MAP7D3: variants seen among roughly 807,000 people sequenced by gnomAD.
MAP7D3 encodes the protein MAP7 domain containing 3.
MAP7D3 carries 45 observed loss-of-function variants against 62.2 expected under a neutral mutation model. The observed-to-expected ratio is 0.72, with a 90% CI of 0.57 to 0.93. The LOEUF is 0.93. MAP7D3 is among the 40% of genes least tolerant of loss of function. The probability of loss-of-function intolerance (pLI) is 0.00; values close to 1 mark genes in which losing one functional copy is unlikely to be tolerated. For synonymous variants in MAP7D3, 288 were observed against 248.8 expected (o/e 1.16, Z -1.48); for missense variants, 711 against 683.1 (o/e 1.04, Z -0.45).
upstream of MAP7D3, among the ~76,000 whole-genome samples, chrX:136,253,809 G>A (rs939344438): frequency 9.0e-6 from 1 of 110,926 alleles, no homozygotes; most frequent in Non-Finnish European, 1.9e-5. Context: ...CCAACATGGC[G>A]AAACACCATC....
At chrX:136,228,597 T>C in intron 11 of MAP7D3, 26 bp downstream of exon 11, 2 of 1,189,444 alleles carry the variant, frequency 1.7e-6, no homozygotes, top group African/African-American at 1.8e-5. Context: ...AGATTTATAG[T>C]ATAGGAAGGA....
intron 6 of MAP7D3, among the ~76,000 whole-genome samples, chrX:136,238,195 T>A (rs971559467): frequency 1.8e-5 from 2 of 111,709 alleles, no homozygotes; most frequent in Non-Finnish European, 3.8e-5. Context: ...TACGTGTGCA[T>A]GTGTCTTTAT....
intron 14 of MAP7D3, among the ~76,000 whole-genome samples, chrX:136,223,034 G>T (rs942714093): frequency 9.0e-6 from 1 of 110,672 alleles, no homozygotes; most frequent in Admixed American, 9.6e-5. Flanking sequence ...TAGAGACAAG[G>T]TCTCACTGTG....
intron 6 of MAP7D3, among the ~76,000 whole-genome samples, chrX:136,238,267 T>C (rs1028250334): frequency 9.9e-5 from 11 of 111,627 alleles, no homozygotes; most frequent in Non-Finnish European, 2.1e-4. Context: ...GGTCAAATGG[T>C]GTTTCTAGTT....
At chrX:136,229,710 CT>C (rs5903912) in intron 10 of MAP7D3, among the ~76,000 whole-genome samples, 1 of 102,561 alleles carries the variant, frequency 9.8e-6, no homozygotes, top group Non-Finnish European at 2.0e-5. Context: ...CCGACCTGTG[CT>C]TTTTTTTGAT....
In MAP7D3 at chrX:136,231,577, T is replaced by C. The variant is rs745646160; in HGVS notation, c.1380A>G (p.Ala460=). 2 of 1,208,413 alleles carry C rather than the reference T, an allele frequency of 1.7e-6. No homozygotes were observed. Among genetic ancestry groups the C allele is most frequent in the Non-Finnish European group, 2.2e-6 (2 of 894,249 alleles). The stretch of plus-strand genomic sequence containing the variant: ...CGTCTCTCGCTTTTGCCTTGGGAGA[T>C]GCTTCCATGCTTGCTTCAAGGGATG... The part of the protein sequence containing the change: ...PKTSLEASME[A]SPKAKARDAP... The change falls in exon 8 of 19, where the codon GCA becomes GCG. Residue 460 remains alanine, a synonymous_variant. Transcript: ENST00000316077.
chrX:136,220,277 G>A (rs2074110207), intron 16 of MAP7D3, among the ~76,000 whole-genome samples: 1 of 110,235 alleles, frequency 9.1e-6, no homozygotes, highest in Non-Finnish European at 1.9e-5. Context: ...TGGCCAACAT[G>A]GTGAAACCTC....
At chrX:136,248,967 C>T (rs943681040) in intron 1 of MAP7D3, among the ~76,000 whole-genome samples, 1 of 112,186 alleles carries the variant, frequency 8.9e-6, no homozygotes, top group South Asian at 3.6e-4. Context: ...AAAAATCAGG[C>T]AGATTCACAG....
chrX:136,247,055 A>T (rs1020499606), intron 1 of MAP7D3, among the ~76,000 whole-genome samples: 3 of 112,601 alleles, frequency 2.7e-5, no homozygotes, highest in Non-Finnish European at 5.6e-5. Flanking sequence ...AGTAATCTCC[A>T]ATGAGATGGT....
Position 136,231,637 on chromosome X carries a change from T to C in MAP7D3, c.1320A>G (p.Ala440=). ...VKGSPKESME[A]SPEAMVKASP... ...ATGCTTTCACCATCGCCTCAGGAGA[T>C]GCCTCCATGCTCTCCTTGGGTGACC... is the stretch of plus-strand genomic sequence containing the variant. The change falls in exon 8 of 19, where the codon GCA becomes GCG. Residue 440 remains alanine, a synonymous_variant. Coordinates refer to ENST00000316077, the MANE Select transcript of MAP7D3 (RefSeq NM_024597.4). The C allele has an allele frequency of 1.7e-6, 2 of 1,209,604 alleles. No individual in the cohort carries two copies. The highest frequency in any genetic ancestry group is 3.0e-5 in the East Asian group (1 of 33,805).
At chrX:136,249,308 A>G (rs1569532429) in intron 1 of MAP7D3, among the ~76,000 whole-genome samples, 2 of 112,607 alleles carry the variant, frequency 1.8e-5, no homozygotes, top group African/African-American at 6.5e-5. Flanking sequence ...TATTCTTTGA[A>G]AAAGTTATTC....
chrX:136,213,701 T>C (rs1018838667), downstream of MAP7D3: 5 of 111,739 alleles, frequency 4.5e-5, no homozygotes, highest in Non-Finnish European at 9.4e-5. Flanking sequence ...TGTGGGGTGT[T>C]AGTTTGAGGG....
Position 136,231,800 on chromosome X carries a change from G to C in MAP7D3, c.1157C>G (p.Pro386Arg). Residue 386 changes from proline to arginine, a missense_variant, in exon 8 of 19, where the codon CCG becomes CGG. By Grantham distance (103) the Pro-to-Arg change is moderately radical. Transcript: ENST00000316077. ...TVPKVSIVAS[P>R]EASLEAPPEV... Reference sequence around the variant, plus strand: ...CGGGGGTGCTTCCAGGCTCGCCTCCGGGGATGCTACTATGCTCACCTTGGG... The same window carrying C: ...CGGGGGTGCTTCCAGGCTCGCCTCCCGGGATGCTACTATGCTCACCTTGGG... The C allele has an allele frequency of 8.3e-7, 1 of 1,211,670 alleles. No individual in the cohort carries two copies. Among genetic ancestry groups the C allele is most frequent in the Non-Finnish European group, 1.1e-6 (1 of 895,462 alleles).
intron 7 of MAP7D3, among the ~76,000 whole-genome samples, chrX:136,235,914 G>A (rs937063514): frequency 8.9e-5 from 10 of 112,107 alleles, no homozygotes; most frequent in East Asian, 2.8e-4. Context: ...AAATGTGGCC[G>A]GGTATTTAAA....
chrX:136,252,533 C>T (rs2074523507), upstream of MAP7D3, among the ~76,000 whole-genome samples: 3 of 104,097 alleles, frequency 2.9e-5, no homozygotes, highest in East Asian at 3.0e-4. Context: ...AAAAATTAGC[C>T]GGGCATGGTG....
rs1043671063 is a variant in MAP7D3 at position 136,231,448 on chromosome X, T to C, written c.1413+96A>G. 2.1e-5 allele frequency: 14 copies of C among 669,923 alleles called. No homozygotes were observed. The African/African-American group carries it at 2.6e-4, about 13-fold the overall frequency. 55.2% of individuals were successfully genotyped at this position (669,923 alleles called of 1,213,427 possible). A position where few individuals can be genotyped will look rare whatever the true frequency, so the allele number is the denominator to read the frequency against. ...ATATTGCAGAATATTGTAAATAATA[T>C]GCTGGTTATGTTGTAAAATCTGACC... On this transcript the variant is annotated intron_variant, in intron 8 of 18. Coordinates refer to ENST00000316077, the MANE Select transcript of MAP7D3 (RefSeq NM_024597.4).
intron 7 of MAP7D3, among the ~76,000 whole-genome samples, chrX:136,232,884 G>T (rs913982214): frequency 8.9e-6 from 1 of 111,796 alleles, no homozygotes; most frequent in Non-Finnish European, 1.9e-5. Context: ...CAACTGGTGG[G>T]AGTATAGATT....
upstream of MAP7D3, among the ~76,000 whole-genome samples, chrX:136,255,234 A>C (rs1037998779): frequency 2.7e-5 from 3 of 112,627 alleles, no homozygotes; most frequent in Non-Finnish European, 5.6e-5. Context: ...AACAAACAAA[A>C]AAAAGCAAAT....
intron 1 of MAP7D3, among the ~76,000 whole-genome samples, chrX:136,248,583 A>G (rs758417834): frequency 1.8e-5 from 2 of 112,609 alleles, no homozygotes; most frequent in South Asian, 3.7e-4. Flanking sequence ...AATTAAAGTA[A>G]AAGTTATATT....
Sources: allele counts gnomAD v4.1 joint callset (sites outside exome capture counted in the v4.1 genomes callset), GRCh38; gene constraint gnomAD v4.1.1; transcripts MANE v1.5; gene names NCBI Gene and HGNC (gene_info 2026-07-23, HGNC 2026-07-21).